UGT1A3: variants seen among roughly 807,000 people sequenced by gnomAD.
UGT1A3 encodes the protein UDP glucuronosyltransferase family 1 member A3, also known as UDP-glucuronosyltransferase 1A3.
Under a neutral mutation model 41.0 loss-of-function variants are expected in UGT1A3, and 31 were observed. That is an observed-to-expected ratio of 0.76 (90% CI 0.57 to 1.02). The LOEUF is 1.02. UGT1A3 is among the 50% of genes least tolerant of loss of function. UGT1A3 has a pLI of 0.00. For missense variants in UGT1A3, 737 were observed against 671.0 expected (o/e 1.10, Z -1.09); for synonymous variants, 262 against 257.6 (o/e 1.02, Z -0.17).
chr2:233,735,492 A>G (rs997363481), intron 1 of UGT1A3, among the ~76,000 whole-genome samples: 3 of 152,118 alleles, frequency 2.0e-5, no homozygotes, highest in African/African-American at 7.2e-5. Flanking sequence ...TTTTAATTGC[A>G]GCATTTAGCC....
Position 233,772,472 on chromosome 2 carries a change from C to A in UGT1A3, c.1518C>A (p.Ile506=). ...CCGTCGTGCTGACAGTGGCCTTCAT[C>A]ACCTTTAAATGTTGTGCTTATGGCT... The part of the protein sequence containing the change: ...LLAVVLTVAF[I]TFKCCAYGYR... Residue 506 remains isoleucine (I), a synonymous_variant, in exon 5 of 5, where the codon ATC becomes ATA. Transcript: ENST00000482026. The A allele has an allele frequency of 6.2e-7, 1 of 1,614,132 alleles. No homozygotes were observed. Among genetic ancestry groups the A allele is most frequent in the Non-Finnish European group, 8.5e-7 (1 of 1,180,020 alleles).
rs568508589 is a variant in UGT1A3, at chr2:233,772,293, C to T, written c.1339C>T (p.Leu447Phe). ...YKENIMRLSS[L>F]HKDRPVEPLD... Reference sequence around the variant, plus strand: ...GGAGAACATCATGCGCCTCTCCAGCCTTCACAAGGACCGCCCGGTGGAGCC... The same window carrying T: ...GGAGAACATCATGCGCCTCTCCAGCTTTCACAAGGACCGCCCGGTGGAGCC... The change falls in exon 5 of 5, where the codon CTT becomes TTT. Residue 447 changes from leucine (L) to phenylalanine (F), a missense_variant. Transcript: ENST00000482026. 1.2e-6 allele frequency: 2 copies of T among 1,614,258 alleles called. No homozygotes were observed. Among genetic ancestry groups the T allele is most frequent in the Non-Finnish European group, 1.7e-6 (2 of 1,180,050 alleles).
chr2:233,768,554 T>C lies in UGT1A3; in HGVS notation c.1307+115T>C, dbSNP rs1402826015. On this transcript the variant is annotated intron_variant, in intron 4 of 4. Transcript: ENST00000482026. ...GCGTTGTTTCAAATATAAAAACAAA[T>C]ACATAAAAATCTGGATTTTTATTTC... 4 of 1,425,606 alleles carry C rather than the reference T, an allele frequency of 2.8e-6. No individual in the cohort carries two copies. In the African/African-American group the frequency reaches 5.8e-5, roughly 21 times the overall value. 88.3% of individuals were successfully genotyped at this position (1,425,606 alleles called of 1,614,324 possible). A position where few individuals can be genotyped will look rare whatever the true frequency, so the allele number is the denominator to read the frequency against.
At chr2:233,755,104 A>G in intron 1 of UGT1A3, 1 of 1,334,996 alleles carries the variant, frequency 7.5e-7, no homozygotes, top group African/African-American at 1.5e-5. Flanking sequence ...GCGTCCGACA[A>G]CACCTCGTAG....
rs536544989 is a variant in UGT1A3 at position 233,747,339 on chromosome 2, C to T, written c.867+17346C>T. 4.1e-5 allele frequency: 65 copies of T among 1,603,348 alleles called. 1 individual carries two copies. The highest frequency in any genetic ancestry group is 5.4e-5 in the African/African-American group (4 of 74,450). ...TACCCATTGATGGCAGCCACTGGCT[C>T]GCATGCGGGAGGCCGTGCGGGAGCT... On this transcript the variant is annotated intron_variant, in intron 1 of 4. Transcript: ENST00000482026.
intron 1 of UGT1A3, among the ~76,000 whole-genome samples, chr2:233,734,252 G>A (rs1251645812): frequency 6.6e-6 from 1 of 152,080 alleles, no homozygotes; most frequent in Non-Finnish European, 1.5e-5. Flanking sequence ...TTTAGTCTTG[G>A]GAGGGTGTAT....
chr2:233,768,750 T>C (rs190233981), intron 4 of UGT1A3, among the ~76,000 whole-genome samples: 30 of 152,044 alleles, frequency 2.0e-4, no homozygotes, highest in Admixed American at 8.5e-4. Flanking sequence ...GCCCGGTTAA[T>C]TTTTGTATTT....
At chr2:233,736,111 A>G (rs1342253257) in intron 1 of UGT1A3, among the ~76,000 whole-genome samples, 1 of 152,176 alleles carries the variant, frequency 6.6e-6, no homozygotes, top group East Asian at 1.9e-4. Flanking sequence ...GTGTTTTCCA[A>G]CTTGTTTCCA....
intron 1 of UGT1A3, among the ~76,000 whole-genome samples, chr2:233,739,216 G>A (rs1265405440): frequency 6.6e-6 from 1 of 152,218 alleles, no homozygotes; most frequent in Admixed American, 6.5e-5. Context: ...CATGGATAGA[G>A]TCCTTATAGA....
Position 233,760,930 on chromosome 2 carries a change from A to G in UGT1A3, c.868-6104A>G, listed in dbSNP as rs144398951. 63 of 1,614,176 alleles carry G rather than the reference A, an allele frequency of 3.9e-5. 1 individual carries two copies. In the Middle Eastern group the frequency reaches 1.3e-3, roughly 34 times the overall value. On this transcript the variant is annotated intron_variant, in intron 1 of 4. Coordinates refer to ENST00000482026, the MANE Select transcript of UGT1A3 (RefSeq NM_019093.4). ...CCTGCAGCGGGTGAAGAACATGCTC[A>G]TTGCCTTTTCACAGAACTTTCTGTG...
At chr2:233,751,502 G>A (rs1015716404) in intron 1 of UGT1A3, among the ~76,000 whole-genome samples, 1 of 152,208 alleles carries the variant, frequency 6.6e-6, no homozygotes, top group Non-Finnish European at 1.5e-5. Flanking sequence ...AGATTTGGGA[G>A]GGGCCAGAGG....
intron 1 of UGT1A3, among the ~76,000 whole-genome samples, chr2:233,745,292 C>G (rs13426130): frequency 6.6e-6 from 1 of 151,882 alleles, no homozygotes. Context: ...TGGGGATAAA[C>G]GTGGGATGCA....
chr2:233,753,396 G>C (rs1209022223), intron 1 of UGT1A3: 4 of 152,212 alleles, frequency 2.6e-5, no homozygotes, highest in South Asian at 2.1e-4. Context: ...GAGGGTACTA[G>C]AGCATATCCA....
chr2:233,753,414 T>C (rs1264924326), intron 1 of UGT1A3: 1 of 152,196 alleles, frequency 6.6e-6, no homozygotes, highest in Non-Finnish European at 1.5e-5. Flanking sequence ...CCAAACCCAT[T>C]GTCACAGTAT....
At chr2:233,734,058 T>C (rs887358519) in intron 1 of UGT1A3, among the ~76,000 whole-genome samples, 3 of 152,142 alleles carry the variant, frequency 2.0e-5, no homozygotes, top group Non-Finnish European at 4.4e-5. Context: ...TATACATATG[T>C]AACAAACCTG....
Position 233,769,407 on chromosome 2 carries a change from G to C in UGT1A3, c.1307+968G>C. The C allele has an allele frequency of 7.8e-7, 1 of 1,286,632 alleles. No individual in the cohort carries two copies. The highest frequency in any genetic ancestry group is 1.1e-6 in the Non-Finnish European group (1 of 907,224). The allele number at this position is 1,286,632 out of a possible 1,614,324, so 79.7% of individuals were successfully genotyped here. ...ATAGATACTGTGTGCATATGTGCGT[G>C]TGCGTTTGTGCATGTGGCTGTGCTC... On this transcript the variant is annotated intron_variant, in intron 4 of 4. Transcript: ENST00000482026. The surrounding 1 kb of genome is among the most constrained non-coding windows in gnomAD (Gnocchi z 4.4).
chr2:233,765,490 A>G (rs552851651), intron 1 of UGT1A3, among the ~76,000 whole-genome samples: 4 of 152,238 alleles, frequency 2.6e-5, no homozygotes, highest in Non-Finnish European at 5.9e-5. Flanking sequence ...ATCATCCTCC[A>G]CAAACTAACA....
chr2:233,768,469 G>A (rs1403858659), intron 4 of UGT1A3, 30 bp downstream of exon 4: 1 of 1,603,172 alleles, frequency 6.2e-7, no homozygotes, highest in African/African-American at 1.3e-5. Flanking sequence ...AGAATACTTT[G>A]GTCATGGCAT....
intron 1 of UGT1A3, among the ~76,000 whole-genome samples, chr2:233,758,825 C>CA: frequency 6.6e-6 from 1 of 152,232 alleles, no homozygotes. Flanking sequence ...ATATCCCCCC[C>CA]AAAAAGAGTG....
Sources: allele counts gnomAD v4.1 joint callset (sites outside exome capture counted in the v4.1 genomes callset), GRCh38; gene constraint gnomAD v4.1.1; non-coding constraint Gnocchi (gnomAD v3.1); transcripts MANE v1.5; gene names NCBI Gene and HGNC (gene_info 2026-07-23, HGNC 2026-07-21).